Variants in ARHGAP26 observed in about 807,000 individuals in gnomAD.
The protein encoded by ARHGAP26 is rho GTPase-activating protein 26.
A neutral mutation model predicts 104.8 loss-of-function variants in ARHGAP26; 38 were observed. The observed-to-expected ratio is 0.36, with a 90% confidence interval of 0.28 to 0.48. The LOEUF is 0.48. Among genes scored for constraint, ARHGAP26 ranks in the 20% least tolerant of loss-of-function variants. ARHGAP26 has a pLI of 0.99. For synonymous variants in ARHGAP26, 341 were observed against 340.0 expected (o/e 1.00, Z -0.03); for missense variants, 704 against 947.9 (o/e 0.74, Z 3.38).
intron 12 of ARHGAP26, among the ~76,000 whole-genome samples, chr5:143,029,511 C>T (rs1365319586): frequency 6.9e-6 from 1 of 145,186 alleles, no homozygotes; most frequent in Non-Finnish European, 1.5e-5. Flanking sequence ...CTCAAGCCAT[C>T]ATCCTGCCTC....
intron 3 of ARHGAP26, among the ~76,000 whole-genome samples, chr5:142,877,549 T>C (rs1280554299): frequency 6.6e-6 from 1 of 152,206 alleles, no homozygotes; most frequent in African/African-American, 2.4e-5. Context: ...CCATCTGCAA[T>C]TGCTCATTTG....
intron 21 of ARHGAP26, among the ~76,000 whole-genome samples, chr5:143,213,279 T>C (rs34270371): frequency 0.38 from 57,652 of 151,908 alleles, 13,154 homozygotes; most frequent in African/African-American, 0.64. Context: ...TCAACGGACA[T>C]GAGAAAAGCA....
chr5:142,811,016 C>T (rs1369466991), intron 1 of ARHGAP26, among the ~76,000 whole-genome samples: 1 of 152,208 alleles, frequency 6.6e-6, no homozygotes, highest in Admixed American at 6.5e-5. Context: ...ATCTCCCTCT[C>T]CCACACTAAA....
intron 17 of ARHGAP26, among the ~76,000 whole-genome samples, chr5:143,108,041 A>AT (rs1794264892): frequency 6.6e-6 from 1 of 152,216 alleles, no homozygotes; most frequent in Admixed American, 6.5e-5. Flanking sequence ...AAACACTGTT[A>AT]TTTTGTATGG....
intron 1 of ARHGAP26, among the ~76,000 whole-genome samples, chr5:142,830,844 C>A (rs1768274341): frequency 6.6e-6 from 1 of 152,216 alleles, no homozygotes; most frequent in African/African-American, 2.4e-5. Flanking sequence ...CAGTTTGTAT[C>A]ATTTTCCTTG....
At chr5:143,214,779 C>T (rs1810069789) in intron 22 of ARHGAP26, among the ~76,000 whole-genome samples, 1 of 152,214 alleles carries the variant, frequency 6.6e-6, no homozygotes, top group South Asian at 2.1e-4. Context: ...AGGGTCTCTC[C>T]CAGGTCACAC....
At chr5:143,037,118 A>G (rs1441429056) in intron 12 of ARHGAP26, 78 bp from the exon 13 acceptor site, 2 of 1,143,000 alleles carry the variant, frequency 1.7e-6, no homozygotes, top group Non-Finnish European at 1.3e-6. Flanking sequence ...CGATTGATTC[A>G]TCCTGGTTTG....
At chr5:143,106,736 G>A (rs1428514907) in intron 17 of ARHGAP26, among the ~76,000 whole-genome samples, 1 of 152,174 alleles carries the variant, frequency 6.6e-6, no homozygotes, top group African/African-American at 2.4e-5. Flanking sequence ...GCCTTCCAAA[G>A]TGCTGGGATT....
chr5:142,903,249 C>T (rs1038018927), intron 7 of ARHGAP26, among the ~76,000 whole-genome samples: 2 of 152,168 alleles, frequency 1.3e-5, no homozygotes, highest in Admixed American at 6.5e-5. Context: ...TATCGTAAAA[C>T]ACACTTTTTG....
chr5:143,157,816 A>AT (rs771669474), intron 20 of ARHGAP26, among the ~76,000 whole-genome samples: 2 of 152,214 alleles, frequency 1.3e-5, no homozygotes, highest in Non-Finnish European at 2.9e-5. Context: ...CGTGAAAAGC[A>AT]TTGGTAAGCT....
chr5:143,176,551 C>T (rs2151161297), intron 20 of ARHGAP26, among the ~76,000 whole-genome samples: 1 of 152,152 alleles, frequency 6.6e-6, no homozygotes, highest in Non-Finnish European at 1.5e-5. Flanking sequence ...ACATAGAAGT[C>T]CTTTCACCAC....
At chr5:142,778,618 G>C (rs983973708) in intron 1 of ARHGAP26, among the ~76,000 whole-genome samples, 1 of 152,164 alleles carries the variant, frequency 6.6e-6, no homozygotes, top group African/African-American at 2.4e-5. Context: ...TCAGTTTCCT[G>C]TTGAAGGATA....
At chr5:142,873,687 T>C (rs2152360083) in intron 2 of ARHGAP26, among the ~76,000 whole-genome samples, 192 bp downstream of exon 2, 1 of 152,302 alleles carries the variant, frequency 6.6e-6, no homozygotes, top group East Asian at 1.9e-4. Flanking sequence ...AGTTTTGGGA[T>C]TGCCTCACCC....
rs1377810631 is a variant in ARHGAP26, at chr5:143,226,253, G to A, written c.*3807G>A. 1.7e-5 allele frequency: 3 copies of A among 177,566 alleles called. No individual in the cohort carries two copies. In the East Asian group the frequency reaches 2.9e-4, roughly 17 times the overall value. 11.0% of individuals were successfully genotyped at this position (177,566 alleles called of 1,614,324 possible). The stretch of plus-strand genomic sequence containing the variant: ...TCCCAGCACTTTGGGAGGCCGAGGC[G>A]GGCGGATCACGAGGTCAGGAGATTG... On this transcript the variant is annotated 3_prime_UTR_variant, in exon 23 of 23. Transcript: ENST00000645722.
intron 20 of ARHGAP26, among the ~76,000 whole-genome samples, chr5:143,190,791 T>C (rs969689310): frequency 3.9e-5 from 6 of 152,208 alleles, no homozygotes; most frequent in Non-Finnish European, 8.8e-5. Flanking sequence ...GTATCCAGAA[T>C]CTATGCAGAA....
At chr5:142,954,384 T>A (rs562306801) in intron 11 of ARHGAP26, among the ~76,000 whole-genome samples, 86 of 152,224 alleles carry the variant, frequency 5.6e-4, no homozygotes, top group Non-Finnish European at 1.1e-3. Context: ...AATTGAAAAT[T>A]CCCAAGGCTA....
chr5:142,825,557 G>T (rs1211193860), intron 1 of ARHGAP26, among the ~76,000 whole-genome samples: 2 of 152,176 alleles, frequency 1.3e-5, no homozygotes, highest in Non-Finnish European at 2.9e-5. Context: ...AGCAGCACAG[G>T]CTCCTTGATT....
intron 10 of ARHGAP26, among the ~76,000 whole-genome samples, 168 bp from the exon 11 acceptor site, chr5:142,931,879 C>T (rs551460665): frequency 9.2e-5 from 14 of 152,324 alleles, no homozygotes; most frequent in Non-Finnish European, 1.8e-4. Flanking sequence ...TTTGGGCCAT[C>T]CTTTCTGAGA....
intron 17 of ARHGAP26, among the ~76,000 whole-genome samples, chr5:143,070,678 G>A (rs1414663770): frequency 6.6e-6 from 1 of 152,226 alleles, no homozygotes; most frequent in Non-Finnish European, 1.5e-5. Flanking sequence ...GGGAGGCCGA[G>A]ATGGATGGAT....
Sources: gnomAD v4.1 joint callset for allele counts (sites outside exome capture counted in the v4.1 genomes callset) on GRCh38, gnomAD v4.1.1 for gene constraint, MANE v1.5 for transcripts, NCBI Gene and HGNC (gene_info 2026-07-23, HGNC 2026-07-21) for gene names.